COL7A1: variants seen among roughly 807,000 people sequenced by gnomAD.
COL7A1 encodes collagen alpha-1(VII) chain.
COL7A1 carries 296 observed loss-of-function variants against 456.2 expected under a neutral mutation model. The observed-to-expected ratio is 0.65, with a 90% confidence interval of 0.59 to 0.71. The LOEUF (loss-of-function observed/expected upper bound fraction) is 0.71. Among genes scored for constraint, COL7A1 ranks in the 30% least tolerant of loss-of-function variants. The pLI is 0.00. For missense variants in COL7A1, 3,441 were observed against 4,017.2 expected (o/e 0.86, Z 3.88); for synonymous variants, 1,464 against 1,525.9 (o/e 0.96, Z 0.95).
Position 48,578,766 on chromosome 3 carries a change from C to T in COL7A1, c.5424+153G>A. 1 of 826,286 alleles carries T rather than the reference C, an allele frequency of 1.2e-6. No homozygotes were observed. Among genetic ancestry groups the T allele is most frequent in the Non-Finnish European group, 1.9e-6 (1 of 538,878 alleles). The allele number at this position is 826,286 out of a possible 1,614,324, so 51.2% of individuals were successfully genotyped here. Reference sequence around the variant, plus strand: ...GCAAAGAAGGTCAGAAAGGGGGATTCTACTAAAACCTGTGTGCCAGGGACT... The same window carrying T: ...GCAAAGAAGGTCAGAAAGGGGGATTTTACTAAAACCTGTGTGCCAGGGACT... On this transcript the variant is annotated intron_variant, in intron 63 of 118. Coordinates refer to ENST00000681320, the MANE Select transcript of COL7A1 (RefSeq NM_000094.4). The surrounding 1 kb of genome is among the most constrained non-coding windows in gnomAD (Gnocchi z 4.7).
chr3:48,582,409 C>G (rs1323998008), intron 46 of COL7A1, 51 bp from the exon 47 acceptor site: 1 of 1,614,112 alleles, frequency 6.2e-7, no homozygotes, highest in Non-Finnish European at 8.5e-7. Flanking sequence ...ACCTAGGAGC[C>G]CAAAATCCCA....
rs1017409772 is a variant in COL7A1, at chr3:48,568,940, G to C, written c.7687-85C>G. On this transcript the variant is annotated intron_variant, in intron 103 of 118. Transcript: ENST00000681320. The surrounding 1 kb of genome is among the most constrained non-coding windows in gnomAD (Gnocchi z 5.2). ...TACAACGAGCCCGCCAGCTGGGGCA[G>C]AGCTCAAGTCACTCCCGAACGGCCC... The C allele has an allele frequency of 1.5e-6, 2 of 1,367,948 alleles. No homozygotes were observed. Among genetic ancestry groups the C allele is most frequent in the Non-Finnish European group, 1.0e-6 (1 of 984,166 alleles). 84.7% of individuals were successfully genotyped at this position (1,367,948 alleles called of 1,614,324 possible). A position where few individuals can be genotyped will look rare whatever the true frequency, so the allele number is the denominator to read the frequency against.
chr3:48,565,216 G>C lies in COL7A1; in HGVS notation c.8528-15C>G, dbSNP rs1382684913. On this transcript the variant is annotated splice_polypyrimidine_tract_variant and intron_variant, in intron 116 of 118. Transcript: ENST00000681320. This position sits in a 1 kb window ranked among gnomAD's most constrained non-coding sequence, Gnocchi z 4.5. Reference sequence around the variant, plus strand: ...GGGTACCCGCTCTGCAGGTAGGGCAGGGTGTGCTGGGAGCAGTGGCTGCTG... The same window carrying C: ...GGGTACCCGCTCTGCAGGTAGGGCACGGTGTGCTGGGAGCAGTGGCTGCTG... 7 of 1,609,780 alleles carry C rather than the reference G, an allele frequency of 4.3e-6. No individual in the cohort carries two copies. Among genetic ancestry groups the C allele is most frequent in the Non-Finnish European group, 4.2e-6 (5 of 1,177,268 alleles).
At position 48,581,744 on chromosome 3, in the gene COL7A1, C is replaced by G. The variant is rs143352280; in HGVS notation, c.4684G>C (p.Ala1562Pro). ...ACTCCGGTAGCTCCTCTGGGCCCAG[C>G]GGGCCCCACATCTCCCTGGAGGTGA... ...PKGEKGDVGP[A>P]GPRGATGVQG... is the part of the protein sequence containing the mutation. Residue 1562 changes from alanine to proline, a missense_variant, in exon 49 of 119, where the codon GCT (alanine) becomes CCT (proline). Coordinates refer to ENST00000681320, the MANE Select transcript of COL7A1 (RefSeq NM_000094.4). The surrounding 1 kb of genome is among the most constrained non-coding windows in gnomAD (Gnocchi z 5.8). The G allele has an allele frequency of 8.1e-6, 13 of 1,614,080 alleles. No homozygotes were observed. Among genetic ancestry groups the G allele is most frequent in the Non-Finnish European group, 1.1e-5 (13 of 1,180,016 alleles).
rs1465940042 is a variant in COL7A1 at position 48,565,159 on chromosome 3, T to G, written c.8570A>C (p.Glu2857Ala). 6.2e-7 allele frequency: 1 copy of G among 1,614,058 alleles called. No individual in the cohort carries two copies. Among genetic ancestry groups the G allele is most frequent in the East Asian group, 2.2e-5 (1 of 44,874 alleles). The change falls in exon 117 of 119, where the codon GAG becomes GCG. Residue 2857 changes from glutamate (E) to alanine (A), a missense_variant. Around this residue, in one of 3 missense-constraint regions of COL7A1, gnomAD observed 2,084 missense variants for 2,501.3 expected, o/e 0.83. Transcript: ENST00000681320. This position sits in a 1 kb window ranked among gnomAD's most constrained non-coding sequence, Gnocchi z 4.5. Reference protein sequence around the residue: ...PEDDEYSEYSEYSVEEYQDPE... With the variant: ...PEDDEYSEYSAYSVEEYQDPE... ...GTCCTGGTACTCCTCCACAGAATAC[T>G]CGGAGTATTCAGAGTACTCATCATC...
chr3:48,587,237 A>T lies in COL7A1; in HGVS notation c.3092T>A (p.Val1031Asp). The T allele has an allele frequency of 6.2e-7, 1 of 1,613,468 alleles. No individual in the cohort carries two copies. The highest frequency in any genetic ancestry group is 8.5e-7 in the Non-Finnish European group (1 of 1,179,832). The change falls in exon 24 of 119, where the codon GTC becomes GAC. Residue 1031 changes from valine to aspartate, a missense_variant. Val to Asp is a radical substitution (Grantham distance 152). Coordinates refer to ENST00000681320, the MANE Select transcript of COL7A1 (RefSeq NM_000094.4). This position sits in a 1 kb window ranked among gnomAD's most constrained non-coding sequence, Gnocchi z 6.1. ...GVSYIFSLTP[V>D]LDGVRGPEAS... ...CTCAGGACCCCGCACACCATCCAGG[A>T]CAGGCGTCAGGGAGAAGATGTAAGA...
chr3:48,578,788 G>T lies in COL7A1; in HGVS notation c.5424+131C>A. The T allele has an allele frequency of 1.0e-6, 1 of 955,780 alleles. No homozygotes were observed. Among genetic ancestry groups the T allele is most frequent in the Non-Finnish European group, 1.5e-6 (1 of 650,598 alleles). 59.2% of individuals were successfully genotyped at this position (955,780 alleles called of 1,614,324 possible). A position where few individuals can be genotyped will look rare whatever the true frequency, so the allele number is the denominator to read the frequency against. On this transcript the variant is annotated intron_variant, in intron 63 of 118. Coordinates refer to ENST00000681320, the MANE Select transcript of COL7A1 (RefSeq NM_000094.4). This position sits in a 1 kb window ranked among gnomAD's most constrained non-coding sequence, Gnocchi z 4.7. ...ATTCTACTAAAACCTGTGTGCCAGGGACTGAGACCCTCCCAAAGGCAAGGC... is the reference window on the plus strand; with the variant it reads ...ATTCTACTAAAACCTGTGTGCCAGGTACTGAGACCCTCCCAAAGGCAAGGC...
rs771521596 is a variant in COL7A1, at chr3:48,579,807, G to A, written c.5132C>T (p.Thr1711Ile). Residue 1711 changes from threonine to isoleucine, a missense_variant, in exon 58 of 119, where the codon ACA becomes ATA. Physicochemically the swap from Thr to Ile is moderately conservative, Grantham distance 89. Transcript: ENST00000681320. This position sits in a 1 kb window ranked among gnomAD's most constrained non-coding sequence, Gnocchi z 4.4. ...PPGPPGRLVD[T>I]GPGAREKGEP... ...TACCTTCTCTCTGGCTCCAGGTCCTGTGTCTACCTGTGGGGGGAATGACCA... is the reference window on the plus strand; with the variant it reads ...TACCTTCTCTCTGGCTCCAGGTCCTATGTCTACCTGTGGGGGGAATGACCA... The A allele has an allele frequency of 2.7e-5, 44 of 1,613,944 alleles. No individual in the cohort carries two copies. The highest frequency in any genetic ancestry group is 1.5e-4 in the Admixed American group (9 of 59,992).
At position 48,594,543 on chromosome 3, in the gene COL7A1, A is replaced by G. The variant is rs777372646; in HGVS notation, c.91T>C (p.Cys31Arg). 2 of 1,596,062 alleles carry G rather than the reference A, an allele frequency of 1.3e-6. No individual in the cohort carries two copies. The highest frequency in any genetic ancestry group is 8.5e-7 in the Non-Finnish European group (1 of 1,173,176). ...ATGTCAGCGGCGTAAAGGCGCGTGC[A>G]GGTCACTGGGGCGGGCAGGAGAGAT... is the stretch of plus-strand genomic sequence containing the variant. ...VRAQHRERVTCTRLYAADIVF... is the reference protein window; with the variant it reads ...VRAQHRERVTRTRLYAADIVF... The change falls in exon 3 of 119, where the codon TGC becomes CGC. Residue 31 changes from cysteine to arginine, a missense_variant. By Grantham distance (180) the Cys-to-Arg change is radical. Transcript: ENST00000681320. The surrounding 1 kb of genome is among the most constrained non-coding windows in gnomAD (Gnocchi z 5.5).
At chr3:48,584,887 G>A (rs1314634005) in intron 34 of COL7A1, 23 bp downstream of exon 34, 2 of 1,613,908 alleles carry the variant, frequency 1.2e-6, no homozygotes, top group Non-Finnish European at 1.7e-6. Context: ...CACTTAGAGA[G>A]CAAAGAAGGG....
chr3:48,587,702 G>A lies in COL7A1; in HGVS notation c.2857+91C>T. On this transcript the variant is annotated intron_variant, in intron 22 of 118. Coordinates refer to ENST00000681320, the MANE Select transcript of COL7A1 (RefSeq NM_000094.4). The surrounding 1 kb of genome is among the most constrained non-coding windows in gnomAD (Gnocchi z 6.1). ...CCCAGGGTCAGAGGGTGAGGGGTAG[G>A]GGTACAGGAGGAGTCACTCAGAGTC... The A allele has an allele frequency of 6.2e-7, 1 of 1,604,106 alleles. No individual in the cohort carries two copies. Among genetic ancestry groups the A allele is most frequent in the Non-Finnish European group, 8.5e-7 (1 of 1,171,854 alleles).
Position 48,586,743 on chromosome 3 carries a change from G to T in COL7A1, c.3277-54C>A. 6.5e-7 allele frequency: 1 copy of T among 1,549,502 alleles called. No individual in the cohort carries two copies. Among genetic ancestry groups the T allele is most frequent in the Non-Finnish European group, 8.7e-7 (1 of 1,145,502 alleles). ...GGAGGATGACAGAGCAGGGATGGGG[G>T]TGCACAGAGCCTGGAGAAACACATC... On this transcript the variant is annotated intron_variant, in intron 25 of 118. Transcript: ENST00000681320. The surrounding 1 kb of genome is among the most constrained non-coding windows in gnomAD (Gnocchi z 5.1).
At position 48,569,841 on chromosome 3, in the gene COL7A1, A is replaced by G. The variant is rs764520235; in HGVS notation, c.7521+39T>C. ...TTCTAATATCATACAAGATCCACTCACCCCCCCACTCATGCCAGGACCTTC... is the reference window on the plus strand; with the variant it reads ...TTCTAATATCATACAAGATCCACTCGCCCCCCCACTCATGCCAGGACCTTC... On this transcript the variant is annotated intron_variant, in intron 100 of 118. Transcript: ENST00000681320. The surrounding 1 kb of genome is among the most constrained non-coding windows in gnomAD (Gnocchi z 4.9). The G allele has an allele frequency of 6.2e-7, 1 of 1,612,936 alleles. No individual in the cohort carries two copies. The highest frequency in any genetic ancestry group is 1.1e-5 in the South Asian group (1 of 91,024).
Position 48,591,914 on chromosome 3 carries a change from T to C in COL7A1, c.1341A>G (p.Glu447=). Residue 447 remains glutamate (E), a synonymous_variant, in exon 11 of 119, where the codon GAA becomes GAG. Coordinates refer to ENST00000681320, the MANE Select transcript of COL7A1 (RefSeq NM_000094.4). This position sits in a 1 kb window ranked among gnomAD's most constrained non-coding sequence, Gnocchi z 7.0. ...LVPEARGYRL[E]WRRETGLEPP... is the part of the protein sequence containing the mutation. ...CGCACTGACCAGTCTCACGCCGCCA[T>C]TCCAACCGGTAGCCACGGGCCTCAG... The C allele has an allele frequency of 6.2e-7, 1 of 1,614,138 alleles. No homozygotes were observed. Among genetic ancestry groups the C allele is most frequent in the Non-Finnish European group, 8.5e-7 (1 of 1,180,024 alleles).
rs1275160228 is a variant in COL7A1 at position 48,573,373 on chromosome 3, G to A, written c.6619-25C>T. ...CCTGCAAACAACCCAGAGACTGCAT[G>A]AGCAGAGCCCACGTGGCCAGGGCTC... On this transcript the variant is annotated intron_variant, in intron 83 of 118. Coordinates refer to ENST00000681320, the MANE Select transcript of COL7A1 (RefSeq NM_000094.4). The surrounding 1 kb of genome is among the most constrained non-coding windows in gnomAD (Gnocchi z 5.5). 3.1e-6 allele frequency: 5 copies of A among 1,613,944 alleles called. No individual in the cohort carries two copies. In the African/African-American group the frequency reaches 6.7e-5, roughly 22 times the overall value.
In COL7A1 at chr3:48,571,430, G is replaced by C; in HGVS notation, c.7069-152C>G. 2 of 904,336 alleles carry C rather than the reference G, an allele frequency of 2.2e-6. No homozygotes were observed. The highest frequency in any genetic ancestry group is 2.1e-4 in the Middle Eastern group (1 of 4,758). The allele number at this position is 904,336 out of a possible 1,614,324, so 56.0% of individuals were successfully genotyped here. A position where few individuals can be genotyped will look rare whatever the true frequency, so the allele number is the denominator to read the frequency against. On this transcript the variant is annotated intron_variant, in intron 92 of 118. Transcript: ENST00000681320. This position sits in a 1 kb window ranked among gnomAD's most constrained non-coding sequence, Gnocchi z 4.6. ...CCAAGAATTGGCTCACAGGAGCTCAGACATGACCATGGCCTATCTCAGGAC... is the reference window on the plus strand; with the variant it reads ...CCAAGAATTGGCTCACAGGAGCTCACACATGACCATGGCCTATCTCAGGAC...
chr3:48,570,652 G>C lies in COL7A1; in HGVS notation c.7331C>G (p.Pro2444Arg). The part of the protein sequence containing the change: ...GIPGPLGPPG[P>R]PGSVGPPGAS... ...ACCTCTACTCACCACTGACCCCGGT[G>C]GTCCAGGTGGCCCCAGGGGTCCTGG... is the stretch of plus-strand genomic sequence containing the variant. The change falls in exon 96 of 119, where the codon CCA (proline) becomes CGA (arginine). Residue 2444 changes from proline (P) to arginine (R), a missense_variant. Pro to Arg is a moderately radical substitution (Grantham distance 103, BLOSUM62 -2). This residue lies in a region of COL7A1 where 2,084 missense variants were observed against 2,501.3 expected (regional missense o/e 0.83). Coordinates refer to ENST00000681320, the MANE Select transcript of COL7A1 (RefSeq NM_000094.4). This position sits in a 1 kb window ranked among gnomAD's most constrained non-coding sequence, Gnocchi z 5.5. The C allele has an allele frequency of 6.3e-7, 1 of 1,599,710 alleles. No homozygotes were observed. Among genetic ancestry groups the C allele is most frequent in the Non-Finnish European group, 8.5e-7 (1 of 1,172,334 alleles).
At position 48,594,339 on chromosome 3, in the gene COL7A1, G is replaced by A. The variant is rs780704730; in HGVS notation, c.266+29C>T. 7 of 1,602,164 alleles carry A rather than the reference G, an allele frequency of 4.4e-6. No individual in the cohort carries two copies. The Admixed American group carries it at 1.0e-4, about 23-fold the overall frequency. ...GAAGGAGTCTTGGTGGGGATCTCGT[G>A]GTCCCCAGCCCCCAGGGCCCCTACT... On this transcript the variant is annotated intron_variant, in intron 3 of 118. Transcript: ENST00000681320. The surrounding 1 kb of genome is among the most constrained non-coding windows in gnomAD (Gnocchi z 5.5).
Position 48,588,495 on chromosome 3 carries a change from C to T in COL7A1, c.2588-91G>A, listed in dbSNP as rs2045453139. 6.9e-6 allele frequency: 11 copies of T among 1,596,046 alleles called. No homozygotes were observed. The highest frequency in any genetic ancestry group is 9.4e-6 in the Non-Finnish European group (11 of 1,174,976). ...ACCCTGGCACACGCACCCCGCCCAG[C>T]CTCTCAGACCCCTCTCCCTCCTCTC... On this transcript the variant is annotated intron_variant, in intron 20 of 118. Coordinates refer to ENST00000681320, the MANE Select transcript of COL7A1 (RefSeq NM_000094.4). The surrounding 1 kb of genome is among the most constrained non-coding windows in gnomAD (Gnocchi z 4.6).
Sources: allele counts gnomAD v4.1 joint callset, GRCh38; gene constraint gnomAD v4.1.1; regional missense constraint gnomAD v4.1.1; non-coding constraint Gnocchi (gnomAD v3.1); transcripts MANE v1.5; gene names NCBI Gene and HGNC (gene_info 2026-07-23, HGNC 2026-07-21).